IL15: variants seen among roughly 807,000 people sequenced by gnomAD.
IL15 encodes interleukin-15.
Under a neutral mutation model 19.6 loss-of-function variants are expected in IL15, and 11 were observed. The ratio of observed to expected loss-of-function variants is 0.56; its 90% CI spans 0.35 to 0.93. The LOEUF is 0.93. Among genes scored for constraint, IL15 ranks in the 40% least tolerant of loss-of-function variants. The pLI is 0.01. For missense variants in IL15, 197 were observed against 186.5 expected (o/e 1.06, Z -0.33); for synonymous variants, 58 against 59.6 (o/e 0.97, Z 0.12).
chr4:141,681,792 G>A (rs1231466031), intron 2 of IL15, among the ~76,000 whole-genome samples: 2 of 151,664 alleles, frequency 1.3e-5, no homozygotes, highest in African/African-American at 4.9e-5. Context: ...TGTCTCTTCA[G>A]ATGCTTAAGT....
At chr4:141,639,441 G>T (rs993008743) in intron 1 of IL15, among the ~76,000 whole-genome samples, 2 of 152,124 alleles carry the variant, frequency 1.3e-5, no homozygotes, top group Non-Finnish European at 2.9e-5. Context: ...GTATATTGGA[G>T]AAATTTCCTT....
At chr4:141,716,643 G>A (rs1399857604) in intron 2 of IL15, 2 of 152,242 alleles carry the variant, frequency 1.3e-5, no homozygotes, top group Non-Finnish European at 2.9e-5. Context: ...ATGGAGCCAA[G>A]GAAATGGGGT....
chr4:141,682,403 C>G (rs989551315), intron 2 of IL15, among the ~76,000 whole-genome samples: 1 of 152,078 alleles, frequency 6.6e-6, no homozygotes, highest in Non-Finnish European at 1.5e-5. Flanking sequence ...AATAACTTTA[C>G]CTAGAGTTAC....
intron 2 of IL15, among the ~76,000 whole-genome samples, chr4:141,662,712 T>A (rs935905093): frequency 6.6e-6 from 1 of 151,994 alleles, no homozygotes; most frequent in Non-Finnish European, 1.5e-5. Flanking sequence ...CATCAACCTA[T>A]TTTTTTTCTG....
chr4:141,697,748 TA>T (rs1412828109), intron 2 of IL15, among the ~76,000 whole-genome samples: 221 of 151,974 alleles, frequency 1.5e-3, no homozygotes, highest in African/African-American at 5.0e-3. Context: ...TATATTCCTT[TA>T]TTTTTTTTTC....
intron 2 of IL15, among the ~76,000 whole-genome samples, chr4:141,681,061 C>A (rs1212859550): frequency 6.6e-6 from 1 of 152,102 alleles, no homozygotes; most frequent in Non-Finnish European, 1.5e-5. Flanking sequence ...TTCAGCCCAG[C>A]CAATATGCAT....
chr4:141,645,755 G>A (rs1024506707), intron 1 of IL15, among the ~76,000 whole-genome samples: 3 of 152,100 alleles, frequency 2.0e-5, no homozygotes, highest in African/African-American at 7.2e-5. Flanking sequence ...CAGATGGTAT[G>A]ACTCAATGGT....
At chr4:141,732,524 C>T (rs940308537) in intron 7 of IL15, among the ~76,000 whole-genome samples, 7 of 152,184 alleles carry the variant, frequency 4.6e-5, no homozygotes, top group African/African-American at 1.7e-4. Context: ...TTATTTTTCT[C>T]AATGTCCTTA....
At chr4:141,665,975 A>G (rs1255830730) in intron 2 of IL15, among the ~76,000 whole-genome samples, 2 of 152,242 alleles carry the variant, frequency 1.3e-5, no homozygotes, top group East Asian at 3.9e-4. Context: ...ACAGCTTTTA[A>G]GTAATAAAGG....
chr4:141,670,259 G>C (rs573341375), intron 2 of IL15, among the ~76,000 whole-genome samples: 1 of 152,198 alleles, frequency 6.6e-6, no homozygotes, highest in East Asian at 1.9e-4. Context: ...GTTTATGAGA[G>C]TATCATGATA....
chr4:141,728,777 A>G (rs1239278158), intron 6 of IL15, among the ~76,000 whole-genome samples: 1 of 152,142 alleles, frequency 6.6e-6, no homozygotes, highest in Non-Finnish European at 1.5e-5. Context: ...CTGCTGCACA[A>G]AGAAATTGTC....
chr4:141,677,586 A>G (rs1728390603), intron 2 of IL15, among the ~76,000 whole-genome samples: 1 of 152,066 alleles, frequency 6.6e-6, no homozygotes, highest in Non-Finnish European at 1.5e-5. Context: ...GTGAGGTACC[A>G]GTTTTCTTGC....
At chr4:141,685,403 C>G (rs1728676281) in intron 2 of IL15, among the ~76,000 whole-genome samples, 1 of 152,044 alleles carries the variant, frequency 6.6e-6, no homozygotes, top group Admixed American at 6.6e-5. Flanking sequence ...CATAAAAGAG[C>G]AACAAACCCT....
chr4:141,642,158 C>A (rs185308025), intron 1 of IL15, among the ~76,000 whole-genome samples: 1 of 151,956 alleles, frequency 6.6e-6, no homozygotes, highest in Non-Finnish European at 1.5e-5. Flanking sequence ...TTATTTGGCA[C>A]CCTGGTGAGG....
At chr4:141,650,835 G>C (rs1340078456) in intron 1 of IL15, among the ~76,000 whole-genome samples, 1 of 151,890 alleles carries the variant, frequency 6.6e-6, no homozygotes, top group Non-Finnish European at 1.5e-5. Context: ...TAAAGACAAG[G>C]TAACTGACAC....
At chr4:141,644,700 G>C (rs1476470421) in intron 1 of IL15, among the ~76,000 whole-genome samples, 4 of 152,108 alleles carry the variant, frequency 2.6e-5, no homozygotes, top group African/African-American at 9.7e-5. Flanking sequence ...GCAGCAACCT[G>C]TAGCTAAAAA....
intron 2 of IL15, among the ~76,000 whole-genome samples, chr4:141,706,092 TA>T (rs1415293655): frequency 6.6e-6 from 1 of 151,876 alleles, no homozygotes; most frequent in Non-Finnish European, 1.5e-5. Flanking sequence ...CTCCTAACAT[TA>T]AAAAAATTAC....
intron 5 of IL15, among the ~76,000 whole-genome samples, chr4:141,724,267 G>GA (rs907710564): frequency 9.3e-5 from 14 of 151,170 alleles, no homozygotes; most frequent in African/African-American, 1.7e-4. Context: ...TACATAGAAT[G>GA]AAAAAAAATG....
intron 2 of IL15, among the ~76,000 whole-genome samples, chr4:141,660,929 C>T (rs1200960521): frequency 6.6e-6 from 1 of 152,132 alleles, no homozygotes; most frequent in African/African-American, 2.4e-5. Context: ...ATCCCTACAC[C>T]TTCATCATCT....
Sources: gnomAD v4.1 joint callset for allele counts (sites outside exome capture counted in the v4.1 genomes callset) on GRCh38, gnomAD v4.1.1 for gene constraint, MANE v1.5 for transcripts, NCBI Gene and HGNC (gene_info 2026-07-23, HGNC 2026-07-21) for gene names.